UTRN: variants seen among roughly 807,000 people sequenced by gnomAD.
UTRN encodes utrophin.
UTRN carries 283 observed loss-of-function variants against 463.9 expected under a neutral mutation model. The observed-to-expected ratio is 0.61, with a 90% confidence interval of 0.55 to 0.67. The LOEUF is 0.67. Among genes scored for constraint, UTRN ranks in the 30% least tolerant of loss-of-function variants. UTRN has a pLI of 0.00. For synonymous variants in UTRN, 1,442 were observed against 1,431.5 expected (o/e 1.01, Z -0.17); for missense variants, 3,922 against 4,084.3 (o/e 0.96, Z 1.08).
intron 28 of UTRN, among the ~76,000 whole-genome samples, chr6:144,487,028 G>A (rs963213772): frequency 2.0e-5 from 3 of 152,022 alleles, no homozygotes; most frequent in Non-Finnish European, 2.9e-5. Context: ...ATATATTGTA[G>A]GAAAATGACT....
chr6:144,308,433 G>A (rs1486896477), intron 2 of UTRN, among the ~76,000 whole-genome samples: 7 of 152,000 alleles, frequency 4.6e-5, no homozygotes, highest in Non-Finnish European at 8.8e-5. Flanking sequence ...GGGGCTATAG[G>A]CATGTGCCAC....
chr6:144,568,612 GCGATCGGCA>G (rs1384282018), intron 50 of UTRN, among the ~76,000 whole-genome samples: 3 of 151,906 alleles, frequency 2.0e-5, no homozygotes, highest in African/African-American at 7.3e-5. Context: ...AACCTTTTTT[GCGATCGGCA>G]CACTACTCAT....
At chr6:144,719,016 G>T (rs868806072) in intron 53 of UTRN, among the ~76,000 whole-genome samples, 9 of 152,200 alleles carry the variant, frequency 5.9e-5, no homozygotes, top group African/African-American at 1.4e-4. Context: ...CACAGATGTT[G>T]TCTTGAGATA....
intron 51 of UTRN, among the ~76,000 whole-genome samples, chr6:144,662,655 G>C (rs528212738): frequency 6.6e-6 from 1 of 152,256 alleles, no homozygotes; most frequent in East Asian, 1.9e-4. Context: ...AGAAAACGAG[G>C]GTCCACTGTT....
chr6:144,845,589 C>T (rs943639512), intron 73 of UTRN, among the ~76,000 whole-genome samples: 9 of 152,112 alleles, frequency 5.9e-5, no homozygotes, highest in African/African-American at 2.2e-4. Context: ...TGGTTTAGAG[C>T]AAAATGGATT....
intron 51 of UTRN, among the ~76,000 whole-genome samples, chr6:144,669,742 AC>A (rs1780800767): frequency 6.6e-6 from 1 of 151,600 alleles, no homozygotes; most frequent in Non-Finnish European, 1.5e-5. Context: ...CCCACCTCCC[AC>A]CCTTCCCCTG....
chr6:144,620,112 TTTATATTGAGCCTGGC>T (rs1775193896), intron 51 of UTRN, among the ~76,000 whole-genome samples: 3 of 152,182 alleles, frequency 2.0e-5, no homozygotes, highest in Admixed American at 2.0e-4. Flanking sequence ...ATGCCTTCTG[TTTATATTGAGCCTGGC>T]TTATTTGGAG....
At chr6:144,477,661 A>G (rs2128571519) in intron 25 of UTRN, among the ~76,000 whole-genome samples, 1 of 152,224 alleles carries the variant, frequency 6.6e-6, no homozygotes, top group East Asian at 1.9e-4. Context: ...GCATGAAGGC[A>G]TTCTTCTGCA....
At chr6:144,764,689 TG>T (rs1327118225) in intron 58 of UTRN, among the ~76,000 whole-genome samples, 2 of 151,998 alleles carry the variant, frequency 1.3e-5, no homozygotes, top group Non-Finnish European at 2.9e-5. Context: ...TGTTTAAAAT[TG>T]TAAAATAAAT....
In UTRN at chr6:144,499,477, C is replaced by T. The variant is rs755047446; in HGVS notation, c.4764+50C>T. On this transcript the variant is annotated intron_variant, in intron 34 of 74. Transcript: ENST00000367545. The stretch of plus-strand genomic sequence containing the variant: ...CCAGCATGATGCCAGCGTAACATGG[C>T]ATTTGTTCGGGCGACCTGGTTGGAT... 1.7e-5 allele frequency: 25 copies of T among 1,506,318 alleles called. No individual in the cohort carries two copies. In the Admixed American group the frequency reaches 2.0e-4, roughly 12 times the overall value. 93.3% of individuals were successfully genotyped at this position (1,506,318 alleles called of 1,614,324 possible).
At chr6:144,483,889 A>C (rs1427420108) in intron 27 of UTRN, among the ~76,000 whole-genome samples, 1 of 152,226 alleles carries the variant, frequency 6.6e-6, no homozygotes, top group African/African-American at 2.4e-5. Flanking sequence ...GTGTCCTCCC[A>C]AAACCTAAAA....
At chr6:144,653,676 C>G (rs1314105770) in intron 51 of UTRN, among the ~76,000 whole-genome samples, 1 of 152,018 alleles carries the variant, frequency 6.6e-6, no homozygotes, top group Non-Finnish European at 1.5e-5. Context: ...ACCCAGTTAC[C>G]TTTTCATGGA....
rs553242957 is a variant in UTRN at position 144,645,079 on chromosome 6, G to A, written c.7480-33327G>A. On this transcript the variant is annotated intron_variant, in intron 51 of 74. Transcript: ENST00000367545. ...ATGCACCTGTGGTGGGCCATAGCAA[G>A]CATAACCCGAATTGCAATTTCTTGC... 2.3e-3 allele frequency among the ~76,000 whole-genome samples: 354 copies of A among 152,302 alleles called. 2 individuals carry two copies. Among genetic ancestry groups the A allele is most frequent in the African/African-American group, 8.0e-3 (333 of 41,566 alleles).
intron 44 of UTRN, among the ~76,000 whole-genome samples, chr6:144,538,916 G>T (rs1352864547): frequency 6.6e-6 from 1 of 152,008 alleles, no homozygotes; most frequent in Non-Finnish European, 1.5e-5. Context: ...GGTTTTTTTG[G>T]GAATGTCTCT....
intron 18 of UTRN, 127 bp downstream of exon 18, chr6:144,451,620 T>C: frequency 8.7e-7 from 1 of 1,150,914 alleles, no homozygotes; most frequent in Non-Finnish European, 1.2e-6. Context: ...GAAGGTAGCT[T>C]TTAGTACATT....
chr6:144,372,273 G>A (rs1488302117), intron 2 of UTRN, among the ~76,000 whole-genome samples: 1 of 152,206 alleles, frequency 6.6e-6, no homozygotes, highest in Admixed American at 6.5e-5. Flanking sequence ...AGATTGCCTG[G>A]GTTGGACTCT....
chr6:144,317,616 C>T (rs531398391), intron 2 of UTRN, among the ~76,000 whole-genome samples: 1 of 151,992 alleles, frequency 6.6e-6, no homozygotes, highest in Non-Finnish European at 1.5e-5. Flanking sequence ...AGGTTGGTCT[C>T]GAACTCCTGA....
intron 51 of UTRN, among the ~76,000 whole-genome samples, chr6:144,610,748 G>A (rs144144449): frequency 5.0e-4 from 76 of 152,198 alleles, no homozygotes; most frequent in African/African-American, 1.8e-3. Flanking sequence ...GGTGGCACTT[G>A]CCTGTAATCC....
At chr6:144,823,574 T>C (rs1779777339) in intron 66 of UTRN, among the ~76,000 whole-genome samples, 1 of 152,190 alleles carries the variant, frequency 6.6e-6, no homozygotes, top group African/African-American at 2.4e-5. Context: ...TAGTTACACA[T>C]GCATGCATGG....
Sources: allele counts gnomAD v4.1 joint callset (sites outside exome capture counted in the v4.1 genomes callset), GRCh38; gene constraint gnomAD v4.1.1; transcripts MANE v1.5; gene names NCBI Gene and HGNC (gene_info 2026-07-23, HGNC 2026-07-21).